The following HSD17B11 variants were observed in gnomAD, a reference collection of about 807,000 sequenced individuals.
HSD17B11 encodes estradiol 17-beta-dehydrogenase 11.
Under a neutral mutation model 27.8 loss-of-function variants are expected in HSD17B11, and 22 were observed. The ratio of observed to expected loss-of-function variants is 0.79; its 90% CI spans 0.56 to 1.13. The LOEUF is 1.13. HSD17B11 is among the 50% of genes most tolerant of loss of function. HSD17B11 has a pLI of 0.00. For synonymous variants in HSD17B11, 117 were observed against 132.8 expected (o/e 0.88, Z 0.82); for missense variants, 314 against 351.1 (o/e 0.89, Z 0.84).
chr4:87,347,100 T>C (rs1309836788), intron 5 of HSD17B11, among the ~76,000 whole-genome samples: 1 of 95,742 alleles, frequency 1.0e-5, no homozygotes, highest in Non-Finnish European at 2.0e-5. Flanking sequence ...TTTAGTATTC[T>C]GGATTTTTTT....
At chr4:87,380,077 CT>C (rs1429442000) in intron 2 of HSD17B11, among the ~76,000 whole-genome samples, 1 of 146,638 alleles carries the variant, frequency 6.8e-6, no homozygotes, top group Non-Finnish European at 1.5e-5. Context: ...CGCCACTACA[CT>C]CCAGCCTGGG....
At chr4:87,344,299 T>C (rs923240694) in intron 5 of HSD17B11, among the ~76,000 whole-genome samples, 1 of 152,216 alleles carries the variant, frequency 6.6e-6, no homozygotes, top group Non-Finnish European at 1.5e-5. Context: ...TTAGATGTTT[T>C]AAAATGATGT....
intron 4 of HSD17B11, among the ~76,000 whole-genome samples, chr4:87,370,492 T>A (rs907448555): frequency 6.6e-6 from 1 of 151,938 alleles, no homozygotes; most frequent in Admixed American, 6.5e-5. Flanking sequence ...CTCAGCTCAC[T>A]GCAACCTCTG....
intron 2 of HSD17B11, among the ~76,000 whole-genome samples, chr4:87,378,817 AAAATATATATAT>A (rs1560768918): frequency 0.27 from 19,789 of 73,420 alleles, 5,594 homozygotes; most frequent in African/African-American, 0.4. Context: ...ATATAAATAT[AAAATATATATAT>A]AAATATATAT....
chr4:87,362,353 C>T (rs142784349), intron 4 of HSD17B11, among the ~76,000 whole-genome samples: 9,558 of 152,208 alleles, frequency 0.063, 408 homozygotes, highest in Non-Finnish European at 0.097. Flanking sequence ...CGGTGAAACC[C>T]GGTCTCTACT....
intron 5 of HSD17B11, among the ~76,000 whole-genome samples, chr4:87,356,006 G>A (rs1735377152): frequency 6.6e-6 from 1 of 152,162 alleles, no homozygotes. Context: ...ATAAAAGGAA[G>A]TGCAATGTCC....
At chr4:87,366,308 C>G (rs1735613502) in intron 4 of HSD17B11, among the ~76,000 whole-genome samples, 1 of 151,718 alleles carries the variant, frequency 6.6e-6, no homozygotes, top group South Asian at 2.1e-4. Flanking sequence ...TGCGCTTTCA[C>G]AAAAAAATGT....
intron 1 of HSD17B11, among the ~76,000 whole-genome samples, chr4:87,383,746 CT>C (rs397946047): frequency 6.3e-3 from 703 of 111,214 alleles, no homozygotes; most frequent in East Asian, 9.8e-3. Context: ...CAATTTTTGC[CT>C]TTTTTTTTTT....
chr4:87,380,639 C>T (rs1489239644), intron 2 of HSD17B11, among the ~76,000 whole-genome samples: 1 of 149,226 alleles, frequency 6.7e-6, no homozygotes, highest in Non-Finnish European at 1.5e-5. Flanking sequence ...GAGCAGATCA[C>T]GAGGTCAGGA....
At chr4:87,374,473 C>T (rs1201694837) in intron 3 of HSD17B11, 6 of 345,956 alleles carry the variant, frequency 1.7e-5, no homozygotes, top group Non-Finnish European at 3.1e-5. Flanking sequence ...ATATACAACA[C>T]CTGACATTTA....
intron 2 of HSD17B11, 27 bp downstream of exon 2, chr4:87,382,228 T>C: frequency 6.5e-7 from 1 of 1,532,684 alleles, no homozygotes; most frequent in Non-Finnish European, 9.0e-7. Flanking sequence ...TAACATGATA[T>C]GATTCTAACT....
At chr4:87,357,733 T>C (rs1735413198) in intron 4 of HSD17B11, among the ~76,000 whole-genome samples, 1 of 152,148 alleles carries the variant, frequency 6.6e-6, no homozygotes. Flanking sequence ...AAATTCAGTG[T>C]CACTATAAGC....
At chr4:87,371,923 A>G (rs1229206431) in intron 4 of HSD17B11, among the ~76,000 whole-genome samples, 2 of 152,072 alleles carry the variant, frequency 1.3e-5, no homozygotes, top group Non-Finnish European at 2.9e-5. Flanking sequence ...TGTTAGCCCA[A>G]ATGGCACCCT....
intron 4 of HSD17B11, among the ~76,000 whole-genome samples, chr4:87,358,413 C>CT (rs1560761705): frequency 6.6e-6 from 1 of 152,024 alleles, no homozygotes; most frequent in East Asian, 1.9e-4. Flanking sequence ...CAATGCAAAG[C>CT]GTTTATTTTA....
At position 87,340,578 on chromosome 4, in the gene HSD17B11, C is replaced by G; in HGVS notation, c.724G>C (p.Val242Leu). Residue 242 changes from valine (V) to leucine (L), a missense_variant, in exon 6 of 7, where the codon GTG becomes CTG. Coordinates refer to ENST00000358290, the MANE Select transcript of HSD17B11 (RefSeq NM_016245.5). ...SLGPTLEPEEVVNRLMHGILT... is the reference protein window; with the variant it reads ...SLGPTLEPEELVNRLMHGILT... ...ATCCCATGCATCAGCCTGTTTACCA[C>G]TTCCTCAGGTTCCAGAGTGGGTCCC... 6.2e-7 allele frequency: 1 copy of G among 1,613,134 alleles called. No homozygotes were observed. The highest frequency in any genetic ancestry group is 8.5e-7 in the Non-Finnish European group (1 of 1,179,548).
intron 2 of HSD17B11, among the ~76,000 whole-genome samples, chr4:87,376,556 G>GAAATAT (rs112882641): frequency 0.36 from 51,211 of 141,066 alleles, 10,315 homozygotes; most frequent in African/African-American, 0.54. Context: ...CCAAAATATA[G>GAAATAT]AAATATGAGG....
Position 87,357,948 on chromosome 4 carries a change from A to ATTTTTTTTTTTTTTTT in HSD17B11, c.558-533_558-532insAAAAAAAAAAAAAAAA, listed in dbSNP as rs748955521. ...TTTGTAACTGAACATTCATTAGAGA[A>ATTTTTTTTTTTTTTTT]ATTTTTTTTTTTTTTTTTTTTTTTT... On this transcript the variant is annotated intron_variant, in intron 4 of 6. Coordinates refer to ENST00000358290, the MANE Select transcript of HSD17B11 (RefSeq NM_016245.5). Among the ~76,000 whole-genome samples the ATTTTTTTTTTTTTTTT allele has an allele frequency of 4.8e-4, 47 of 97,310 alleles. 4 individuals are homozygous for ATTTTTTTTTTTTTTTT. The highest frequency in any genetic ancestry group is 5.2e-3 in the Middle Eastern group (1 of 192). The allele number at this position is 97,310 out of a possible 152,430, so 63.8% of individuals were successfully genotyped here. A position where few individuals can be genotyped will look rare whatever the true frequency, so the allele number is the denominator to read the frequency against.
chr4:87,385,399 T>C (rs1720282740), intron 1 of HSD17B11, among the ~76,000 whole-genome samples: 1 of 151,942 alleles, frequency 6.6e-6, no homozygotes, highest in Non-Finnish European at 1.5e-5. Flanking sequence ...GAAAATAGAA[T>C]GGTTGTTGCC....
intron 5 of HSD17B11, among the ~76,000 whole-genome samples, chr4:87,344,094 C>T (rs78562446): frequency 0.099 from 15,056 of 152,058 alleles, 928 homozygotes; most frequent in East Asian, 0.32. Flanking sequence ...GGGAATATGA[C>T]GGTTAAATGG....
Sources: gnomAD v4.1 joint callset for allele counts (sites outside exome capture counted in the v4.1 genomes callset) on GRCh38, gnomAD v4.1.1 for gene constraint, MANE v1.5 for transcripts, NCBI Gene and HGNC (gene_info 2026-07-23, HGNC 2026-07-21) for gene names.